B3GALT9: variants seen among roughly 807,000 people sequenced by gnomAD.
B3GALT9 encodes UDP-GlcNAc:betaGal beta-1,3-N-acetylglucosaminyltransferase 10 (putative).
chr9:120,794,506 TTGTGTGTGTGTGTGTGTGTG>T (rs10589412), intron 1 of B3GALT9, among the ~76,000 whole-genome samples: 27 of 142,172 alleles, frequency 1.9e-4, no homozygotes, highest in African/African-American at 5.3e-4. Flanking sequence ...GCCCAGCTAG[TTGTGTGTGTGTGTGTGTGTG>T]TGTGTGTGTG....
At chr9:120,794,136 A>G (rs2044914603) in intron 1 of B3GALT9, among the ~76,000 whole-genome samples, 2 of 152,214 alleles carry the variant, frequency 1.3e-5, no homozygotes. Flanking sequence ...ACTGAGCTAA[A>G]AAATCCCACG....
chr9:120,799,454 C>A lies in B3GALT9; in HGVS notation c.886C>A (p.His296Asn). The change falls in exon 3 of 3, where the codon CAC becomes AAC. Residue 296 changes from histidine (H) to asparagine (N), a missense_variant. Transcript: ENST00000689072. ...CAGCTCAAGGTTTTCTGGGAAAAGGCACATTAGATACAACAGATGTTGCTA... is the reference window on the plus strand; with the variant it reads ...CAGCTCAAGGTTTTCTGGGAAAAGGAACATTAGATACAACAGATGTTGCTA... Reference protein sequence around the residue: ...IHSSRFSGKRHIRYNRCCYKF... With the variant: ...IHSSRFSGKRNIRYNRCCYKF... The A allele has an allele frequency of 2.5e-6, 1 of 399,258 alleles. No homozygotes were observed. Among genetic ancestry groups the A allele is most frequent in the Non-Finnish European group, 4.4e-6 (1 of 226,102 alleles). 24.7% of individuals were successfully genotyped at this position (399,258 alleles called of 1,614,324 possible). A position where few individuals can be genotyped will look rare whatever the true frequency, so the allele number is the denominator to read the frequency against.
At chr9:120,795,226 A>G (rs978104908) in intron 1 of B3GALT9, among the ~76,000 whole-genome samples, 2 of 152,222 alleles carry the variant, frequency 1.3e-5, no homozygotes, top group African/African-American at 2.4e-5. Flanking sequence ...GATACTCTCT[A>G]TGAAAGGGAA....
At chr9:120,794,087 G>A (rs1286647092) in intron 1 of B3GALT9, among the ~76,000 whole-genome samples, 165 bp downstream of exon 1, 1 of 152,180 alleles carries the variant, frequency 6.6e-6, no homozygotes, top group South Asian at 2.1e-4. Context: ...AGGATTGAAG[G>A]AAATGAAGCA....
In B3GALT9 at chr9:120,801,300, T is replaced by G. The variant is rs945658614; in HGVS notation, c.*1622T>G. Among the ~76,000 whole-genome samples the G allele has an allele frequency of 6.6e-6, 1 of 152,232 alleles. No individual in the cohort carries two copies. The highest frequency in any genetic ancestry group is 2.4e-5 in the African/African-American group (1 of 41,460). On this transcript the variant is annotated 3_prime_UTR_variant, in exon 3 of 3. Transcript: ENST00000689072. ...GGAACCTCCATAATGGCTGTATTAT[T>G]GGTTTACCATAATGGCTCATTGTGG...
At chr9:120,794,643 G>A (rs1212974769) in intron 1 of B3GALT9, among the ~76,000 whole-genome samples, 1 of 151,960 alleles carries the variant, frequency 6.6e-6, no homozygotes, top group African/African-American at 2.4e-5. Context: ...AAAAAGTGCT[G>A]GGATTACAGG....
rs1486090183 is a variant in B3GALT9, at chr9:120,796,426, G to A, written c.-178G>A. The A allele has an allele frequency of 6.6e-6, 1 of 152,196 alleles. No homozygotes were observed. The highest frequency in any genetic ancestry group is 1.5e-5 in the Non-Finnish European group (1 of 68,038). 9.4% of individuals were successfully genotyped at this position (152,196 alleles called of 1,614,324 possible). A position where few individuals can be genotyped will look rare whatever the true frequency, so the allele number is the denominator to read the frequency against. On this transcript the variant is annotated 5_prime_UTR_variant, in exon 2 of 3. Coordinates refer to ENST00000689072, the MANE Select transcript of B3GALT9 (RefSeq NM_001386823.1). ...CAGCACCCACTCTCCTATGCAGTCA[G>A]CAGGTATTCTAGGATAAAAGCTCAG...
Position 120,793,514 on chromosome 9 carries a change from G to T in B3GALT9, c.-590G>T. Reference sequence around the variant, plus strand: ...GGTGGGTGGTGGGAGGCTGGAGGCCGGGAGTAGGGGTGGGGAGAAGAGCGT... The same window carrying T: ...GGTGGGTGGTGGGAGGCTGGAGGCCTGGAGTAGGGGTGGGGAGAAGAGCGT... On this transcript the variant is annotated 5_prime_UTR_variant, in exon 1 of 3. Coordinates refer to ENST00000689072, the MANE Select transcript of B3GALT9 (RefSeq NM_001386823.1). 1 of 400,090 alleles carries T rather than the reference G, an allele frequency of 2.5e-6. No homozygotes were observed. The highest frequency in any genetic ancestry group is 4.4e-6 in the Non-Finnish European group (1 of 227,208). The allele number at this position is 400,090 out of a possible 1,614,324, so 24.8% of individuals were successfully genotyped here. A position where few individuals can be genotyped will look rare whatever the true frequency, so the allele number is the denominator to read the frequency against.
chr9:120,798,874 C>T lies in B3GALT9; in HGVS notation c.306C>T (p.Leu102=). The change falls in exon 3 of 3, where the codon CTC becomes CTT. Residue 102 remains leucine (L), a synonymous_variant. Coordinates refer to ENST00000689072, the MANE Select transcript of B3GALT9 (RefSeq NM_001386823.1). ...CAGGAAATGGAACAAGACGGGACCT[C>T]ATTAGGAAAACTTGGGGCAATGTGA... The part of the protein sequence containing the change: ...SSPGNGTRRD[L]IRKTWGNVTS... The T allele has an allele frequency of 2.5e-6, 1 of 399,142 alleles. No individual in the cohort carries two copies. The highest frequency in any genetic ancestry group is 4.4e-5 in the Admixed American group (1 of 22,728). The allele number at this position is 399,142 out of a possible 1,614,324, so 24.7% of individuals were successfully genotyped here. A position where few individuals can be genotyped will look rare whatever the true frequency, so the allele number is the denominator to read the frequency against.
chr9:120,795,374 C>A (rs2044932626), intron 1 of B3GALT9, among the ~76,000 whole-genome samples: 1 of 152,158 alleles, frequency 6.6e-6, no homozygotes, highest in East Asian at 1.9e-4. Context: ...TTGGACCTCT[C>A]ATAACAAAGA....
In B3GALT9 at chr9:120,800,750, A is replaced by T. The variant is rs1189117210; in HGVS notation, c.*1072A>T. 6.6e-6 allele frequency among the ~76,000 whole-genome samples: 1 copy of T among 152,232 alleles called. No homozygotes were observed. The highest frequency in any genetic ancestry group is 1.5e-5 in the Non-Finnish European group (1 of 68,040). ...GAGAACACTTAAAATCTACTCTACT[A>T]ACAATTATCAGATATTGATATATTG... On this transcript the variant is annotated 3_prime_UTR_variant, in exon 3 of 3. Coordinates refer to ENST00000689072, the MANE Select transcript of B3GALT9 (RefSeq NM_001386823.1).
Position 120,799,984 on chromosome 9 carries a change from C to T in B3GALT9, c.*306C>T, listed in dbSNP as rs371501077. ...TTTTCTTTTGAGACAGGGTCTGGCTCTGTCACCCAGGCTGGAGTGCAGTGG... is the reference window on the plus strand; with the variant it reads ...TTTTCTTTTGAGACAGGGTCTGGCTTTGTCACCCAGGCTGGAGTGCAGTGG... On this transcript the variant is annotated 3_prime_UTR_variant, in exon 3 of 3. Coordinates refer to ENST00000689072, the MANE Select transcript of B3GALT9 (RefSeq NM_001386823.1). The T allele has an allele frequency of 3.0e-4, 50 of 168,648 alleles. 2 individuals carry two copies. In the East Asian group the frequency reaches 7.1e-3, roughly 24 times the overall value. The allele number at this position is 168,648 out of a possible 1,614,324, so 10.4% of individuals were successfully genotyped here. A position where few individuals can be genotyped will look rare whatever the true frequency, so the allele number is the denominator to read the frequency against.
chr9:120,801,299 T>C lies in B3GALT9; in HGVS notation c.*1621T>C, dbSNP rs1399086616. ...AGGAACCTCCATAATGGCTGTATTA[T>C]TGGTTTACCATAATGGCTCATTGTG... On this transcript the variant is annotated 3_prime_UTR_variant, in exon 3 of 3. Transcript: ENST00000689072. 6.6e-6 allele frequency among the ~76,000 whole-genome samples: 1 copy of C among 152,236 alleles called. No homozygotes were observed. Among genetic ancestry groups the C allele is most frequent in the African/African-American group, 2.4e-5 (1 of 41,462 alleles).
At chr9:120,794,530 G>A (rs2044921750) in intron 1 of B3GALT9, among the ~76,000 whole-genome samples, 1 of 151,524 alleles carries the variant, frequency 6.6e-6, no homozygotes, top group Non-Finnish European at 1.5e-5. Context: ...GTGTGTGTGT[G>A]TGTGTGTGTG....
intron 2 of B3GALT9, among the ~76,000 whole-genome samples, chr9:120,797,617 C>T (rs1482762802): frequency 6.6e-6 from 1 of 152,128 alleles, no homozygotes; most frequent in Non-Finnish European, 1.5e-5. Context: ...AACCATTAAG[C>T]TACTCAGATG....
rs1298961575 is a variant in B3GALT9 at position 120,799,721 on chromosome 9, CCTT to C, written c.*46_*48del. 2.3e-5 allele frequency: 9 copies of C among 398,230 alleles called. No homozygotes were observed. Among genetic ancestry groups the C allele is most frequent in the Admixed American group, 1.3e-4 (3 of 22,716 alleles). The allele number at this position is 398,230 out of a possible 1,614,324, so 24.7% of individuals were successfully genotyped here. On this transcript the variant is annotated 3_prime_UTR_variant, in exon 3 of 3. Transcript: ENST00000689072. ...TTATGAGTCTACTATTTTAAAGTTACCTTCTACCCTGTTATGGAAAGCATCCCT... is the reference window on the plus strand; with the variant it reads ...TTATGAGTCTACTATTTTAAAGTTACCTACCCTGTTATGGAAAGCATCCCT...
At chr9:120,797,158 AAG>A (rs1373404203) in intron 2 of B3GALT9, among the ~76,000 whole-genome samples, 4 of 149,022 alleles carry the variant, frequency 2.7e-5, no homozygotes, top group African/African-American at 1.0e-4. Context: ...AAAAGAAAGA[AAG>A]AGAAAGAAAG....
intron 1 of B3GALT9, among the ~76,000 whole-genome samples, chr9:120,796,058 T>G (rs1190243459): frequency 1.3e-5 from 2 of 152,174 alleles, no homozygotes; most frequent in Non-Finnish European, 2.9e-5. Context: ...CCTCACCATA[T>G]GATGTTTCTT....
chr9:120,798,185 T>C (rs1433358436), intron 2 of B3GALT9, among the ~76,000 whole-genome samples: 2 of 152,272 alleles, frequency 1.3e-5, no homozygotes, highest in Non-Finnish European at 2.9e-5. Context: ...TGTATTTTCC[T>C]ACAGGTTTTT....
Sources: allele counts gnomAD v4.1 joint callset (sites outside exome capture counted in the v4.1 genomes callset), GRCh38; gene constraint gnomAD v4.1.1; transcripts MANE v1.5; gene names NCBI Gene and HGNC (gene_info 2026-07-23, HGNC 2026-07-21).